The following ZNF827 variants were observed in gnomAD, a reference collection of about 807,000 sequenced individuals.
The protein encoded by ZNF827 is zinc finger protein 827.
ZNF827 carries 13 observed loss-of-function variants against 102.4 expected under a neutral mutation model. That is an observed-to-expected ratio of 0.13 (90% CI 0.08 to 0.20). The LOEUF (loss-of-function observed/expected upper bound fraction) is 0.20, where lower values mean the gene tolerates loss of function less well. Ranked by LOEUF, ZNF827 falls within the 10% of genes least tolerant of loss-of-function variation. The probability of loss-of-function intolerance (pLI) is 1.00; values close to 1 mark genes in which losing one functional copy is unlikely to be tolerated. For synonymous variants in ZNF827, 523 were observed against 536.2 expected, an observed-to-expected ratio of 0.98 and a Z score of 0.34; for missense variants, 1,103 against 1,344.4, an observed-to-expected ratio of 0.82 and a Z score of 2.81.
intron 5 of ZNF827, among the ~76,000 whole-genome samples, chr4:145,864,546 A>T (rs774847422): frequency 1.1e-4 from 17 of 151,854 alleles, no homozygotes; most frequent in Non-Finnish European, 2.5e-4. Context: ...GTGAGCTATG[A>T]TCACACCATT....
intron 7 of ZNF827, among the ~76,000 whole-genome samples, chr4:145,836,940 G>A (rs994805952): frequency 2.0e-5 from 3 of 152,150 alleles, no homozygotes; most frequent in East Asian, 3.8e-4. Context: ...CATCAAGCTC[G>A]AGGATTTGCC....
At chr4:145,870,649 A>C in intron 4 of ZNF827, 171 bp from the exon 5 acceptor site, 1 of 588,372 alleles carries the variant, frequency 1.7e-6, no homozygotes. Context: ...AATACACTCC[A>C]TGGGCCTACA....
At chr4:145,871,489 C>T (rs1384018888) in intron 4 of ZNF827, among the ~76,000 whole-genome samples, 1 of 152,154 alleles carries the variant, frequency 6.6e-6, no homozygotes, top group Admixed American at 6.6e-5. Flanking sequence ...GACAAGCACC[C>T]TCTTCCTACT....
chr4:145,801,794 A>C (rs889463293), intron 8 of ZNF827, among the ~76,000 whole-genome samples: 2 of 152,092 alleles, frequency 1.3e-5, no homozygotes, highest in African/African-American at 4.8e-5. Context: ...TGACTTCTGG[A>C]GTGGGTGGAA....
chr4:145,808,667 A>T (rs1260469623), intron 8 of ZNF827, among the ~76,000 whole-genome samples: 1 of 152,248 alleles, frequency 6.6e-6, no homozygotes, highest in Non-Finnish European at 1.5e-5. Context: ...TACCTTAAAG[A>T]GGAGTTCTAC....
chr4:145,937,902 C>G (rs1371801270), intron 1 of ZNF827, among the ~76,000 whole-genome samples: 1 of 150,906 alleles, frequency 6.6e-6, no homozygotes, highest in Non-Finnish European at 1.5e-5. Context: ...GCCCTCCGCG[C>G]GCCCCGACCC....
chr4:145,859,648 A>G (rs912971765), intron 5 of ZNF827, among the ~76,000 whole-genome samples: 25 of 152,324 alleles, frequency 1.6e-4, no homozygotes, highest in African/African-American at 5.5e-4. Context: ...ACTTACAAGT[A>G]GTGTAAGCGA....
At chr4:145,919,862 A>G (rs140616125) in intron 1 of ZNF827, among the ~76,000 whole-genome samples, 300 of 152,354 alleles carry the variant, frequency 2.0e-3, no homozygotes, top group Middle Eastern at 6.8e-3. Flanking sequence ...TAGGGCCACA[A>G]TAAGTTTTGT....
intron 8 of ZNF827, among the ~76,000 whole-genome samples, chr4:145,816,674 C>T (rs1325088178): frequency 6.6e-6 from 1 of 152,206 alleles, no homozygotes; most frequent in Admixed American, 6.5e-5. Flanking sequence ...CAATCCTTAG[C>T]CTCAAGTAAC....
chr4:145,937,258 G>A (rs998771478), intron 1 of ZNF827, among the ~76,000 whole-genome samples: 2 of 151,742 alleles, frequency 1.3e-5, no homozygotes, highest in Non-Finnish European at 2.9e-5. Context: ...GGACCGGGCC[G>A]TGCCGGCGGG....
chr4:145,903,136 T>C lies in ZNF827; in HGVS notation c.123A>G (p.Ser41=). The C allele has an allele frequency of 6.2e-7, 1 of 1,614,254 alleles. No individual in the cohort carries two copies. Among genetic ancestry groups the C allele is most frequent in the Non-Finnish European group, 8.5e-7 (1 of 1,180,048 alleles). Residue 41 remains serine, a synonymous_variant, in exon 2 of 15, where the codon TCA becomes TCG. Coordinates refer to ENST00000508784, the MANE Select transcript of ZNF827 (RefSeq NM_001306215.2). The part of the protein sequence containing the change: ...HWYGNSSETP[S]EASYGEVQEN... ...CCTGGACTTCCCCATAGGATGCTTCTGACGGAGTCTCTGAAGAGTTTCCAT... is the reference window on the plus strand; with the variant it reads ...CCTGGACTTCCCCATAGGATGCTTCCGACGGAGTCTCTGAAGAGTTTCCAT...
intron 2 of ZNF827, among the ~76,000 whole-genome samples, chr4:145,901,821 A>C (rs1751438836): frequency 6.6e-6 from 1 of 151,902 alleles, no homozygotes; most frequent in South Asian, 2.1e-4. Context: ...GATGCCATGC[A>C]CTCCATGACA....
chr4:145,885,579 T>C (rs1750034962), intron 4 of ZNF827, 99 bp downstream of exon 4: 1 of 1,456,552 alleles, frequency 6.9e-7, no homozygotes, highest in Non-Finnish European at 9.0e-7. Context: ...TACCAGCTTA[T>C]TTTACAAATA....
At chr4:145,807,786 A>C (rs1429554041) in intron 8 of ZNF827, among the ~76,000 whole-genome samples, 2 of 150,192 alleles carry the variant, frequency 1.3e-5, no homozygotes, top group Non-Finnish European at 2.9e-5. Flanking sequence ...AAAAAAAAAA[A>C]CAAAAAACAA....
chr4:145,933,199 C>A (rs774431873), intron 1 of ZNF827, among the ~76,000 whole-genome samples: 3 of 152,186 alleles, frequency 2.0e-5, no homozygotes, highest in Admixed American at 6.5e-5. Flanking sequence ...TGATACCCTA[C>A]TTACTGTATA....
intron 5 of ZNF827, among the ~76,000 whole-genome samples, chr4:145,856,714 CACA>C (rs1747146353): frequency 6.9e-6 from 1 of 145,834 alleles, no homozygotes; most frequent in Non-Finnish European, 1.5e-5. Context: ...CACACACACA[CACA>C]CACACACCCC....
chr4:145,901,046 T>C (rs1018040003), intron 2 of ZNF827, among the ~76,000 whole-genome samples: 1 of 152,238 alleles, frequency 6.6e-6, no homozygotes, highest in African/African-American at 2.4e-5. Flanking sequence ...GAAGTACTTA[T>C]AATTAGTGAA....
chr4:145,935,772 C>T (rs566279778), intron 1 of ZNF827, among the ~76,000 whole-genome samples: 1 of 152,062 alleles, frequency 6.6e-6, no homozygotes, highest in Non-Finnish European at 1.5e-5. Flanking sequence ...AAAGGCCCAC[C>T]AAGCACACGA....
chr4:145,863,880 T>C (rs1215342127), intron 5 of ZNF827, among the ~76,000 whole-genome samples: 2 of 152,184 alleles, frequency 1.3e-5, no homozygotes, highest in Non-Finnish European at 2.9e-5. Context: ...GGGTAAATTT[T>C]ATGGTATGTG....
Sources: gnomAD v4.1 joint callset for allele counts (sites outside exome capture counted in the v4.1 genomes callset) on GRCh38, gnomAD v4.1.1 for gene constraint, MANE v1.5 for transcripts, NCBI Gene and HGNC (gene_info 2026-07-23, HGNC 2026-07-21) for gene names.